The following FGD2 variants were observed in gnomAD, a reference collection of about 807,000 sequenced individuals.
The protein encoded by FGD2 is FYVE, RhoGEF and PH domain-containing protein 2.
Under a neutral mutation model 75.9 loss-of-function variants are expected in FGD2, and 52 were observed. The ratio of observed to expected loss-of-function variants is 0.69; its 90% confidence interval spans 0.55 to 0.86. The LOEUF (loss-of-function observed/expected upper bound fraction) is 0.86. FGD2 is among the 40% of genes least tolerant of loss of function. The pLI is 0.00. For missense variants in FGD2, 790 were observed against 872.0 expected (o/e 0.91, Z 1.18); for synonymous variants, 347 against 348.6 (o/e 1.00, Z 0.05).
chr6:37,020,147 C>A (rs1008438282), intron 9 of FGD2, among the ~76,000 whole-genome samples: 10 of 152,208 alleles, frequency 6.6e-5, no homozygotes, highest in Non-Finnish European at 1.5e-4. Flanking sequence ...CCACTGCACC[C>A]AGCCAAGGTT....
chr6:37,013,427 A>G, intron 4 of FGD2, 182 bp from the exon 5 acceptor site: 1 of 1,397,728 alleles, frequency 7.2e-7, no homozygotes, highest in Non-Finnish European at 9.3e-7. Flanking sequence ...TGGCCTCAGG[A>G]GGCTCACAGT....
chr6:37,006,668 G>T (rs1358612503), intron 1 of FGD2, among the ~76,000 whole-genome samples: 1 of 152,172 alleles, frequency 6.6e-6, no homozygotes, highest in Non-Finnish European at 1.5e-5. Flanking sequence ...AATCCATTCT[G>T]CAGGCATTTC....
chr6:37,027,842 G>A, intron 15 of FGD2, 106 bp from the exon 16 acceptor site: 1 of 1,294,984 alleles, frequency 7.7e-7, no homozygotes, highest in South Asian at 1.4e-5. Context: ...AACCCATGGG[G>A]GTTTAGGGTG....
intron 1 of FGD2, among the ~76,000 whole-genome samples, chr6:37,007,706 G>T (rs1445829681): frequency 1.3e-5 from 2 of 152,206 alleles, no homozygotes; most frequent in East Asian, 3.8e-4. Flanking sequence ...ACAGAAGCTG[G>T]CCAGGGGCCC....
chr6:37,025,914 G>C lies in FGD2; in HGVS notation c.1581G>C (p.Glu527Asp), dbSNP rs1207286167. 1.2e-6 allele frequency: 2 copies of C among 1,614,194 alleles called. No homozygotes were observed. Among genetic ancestry groups the C allele is most frequent in the Admixed American group, 3.3e-5 (2 of 60,030 alleles). Residue 527 changes from glutamate (E) to aspartate (D), a missense_variant, in exon 14 of 16, where the codon GAG (glutamate) becomes GAC (aspartate). By Grantham distance (45) the Glu-to-Asp change is conservative. Transcript: ENST00000274963. ...LTGNVLPEAK[E>D]DKRRGILEKG... ...GAAATGTGCTGCCTGAGGCCAAGGA[G>C]GACAAGAGGCGGGGCATCCTGGAGG... is the stretch of plus-strand genomic sequence containing the variant.
At chr6:37,011,671 T>A (rs1381554264) in intron 3 of FGD2, 35 bp from the exon 4 acceptor site, 1 of 1,613,090 alleles carries the variant, frequency 6.2e-7, no homozygotes, top group East Asian at 2.2e-5. Flanking sequence ...TGGCTCCCTG[T>A]CACTGCAGTG....
chr6:37,011,977 C>T, intron 4 of FGD2, 123 bp downstream of exon 4: 3 of 1,108,506 alleles, frequency 2.7e-6, no homozygotes, highest in Non-Finnish European at 3.8e-6. Flanking sequence ...GCCATGCCTC[C>T]CTGGGGCTCG....
intron 4 of FGD2, chr6:37,012,971 T>C (rs1561929124): frequency 6.7e-6 from 1 of 150,160 alleles, no homozygotes; most frequent in Non-Finnish European, 1.5e-5. Flanking sequence ...TCTGTGTGTG[T>C]GTGTGTGTGT....
intron 1 of FGD2, among the ~76,000 whole-genome samples, chr6:37,006,797 G>A (rs1279406970): frequency 2.6e-5 from 4 of 152,216 alleles, no homozygotes; most frequent in African/African-American, 7.2e-5. Context: ...AGCTGTGGGT[G>A]TGAGGGAAGC....
intron 4 of FGD2, 158 bp from the exon 5 acceptor site, chr6:37,013,451 G>A: frequency 7.0e-7 from 1 of 1,431,800 alleles, no homozygotes; most frequent in Non-Finnish European, 9.1e-7. Flanking sequence ...AGGAGTAGAG[G>A]GGCGCATGTG....
intron 7 of FGD2, 76 bp from the exon 8 acceptor site, chr6:37,014,816 G>T: frequency 1.2e-6 from 2 of 1,608,534 alleles, no homozygotes; most frequent in Non-Finnish European, 1.7e-6. Flanking sequence ...CCCAGTCCCC[G>T]TCCCCACAAG....
chr6:37,020,588 C>G lies in FGD2; in HGVS notation c.1170C>G (p.Ser390=). 6.2e-7 allele frequency: 1 copy of G among 1,606,988 alleles called. No individual in the cohort carries two copies. The highest frequency in any genetic ancestry group is 8.5e-7 in the Non-Finnish European group (1 of 1,177,058). Residue 390 remains serine (S), a synonymous_variant, in exon 10 of 16, where the codon TCC becomes TCG. Coordinates refer to ENST00000274963, the MANE Select transcript of FGD2 (RefSeq NM_173558.4). ...AGTTTCCCCACTCCTTCCTGGTGTCCGGGAAGCAGCGCACCCTGGAGCTGC... is the reference window on the plus strand; with the variant it reads ...AGTTTCCCCACTCCTTCCTGGTGTCGGGGAAGCAGCGCACCCTGGAGCTGC... ...DAEFPHSFLV[S]GKQRTLELQA... is the part of the protein sequence containing the mutation.
chr6:37,015,491 C>T (rs1391554975), intron 8 of FGD2, among the ~76,000 whole-genome samples: 1 of 152,188 alleles, frequency 6.6e-6, no homozygotes, highest in African/African-American at 2.4e-5. Context: ...ATCCTGAGCC[C>T]CTGTTGAGAA....
intron 1 of FGD2, 103 bp from the exon 2 acceptor site, chr6:37,008,731 C>A (rs187299627): frequency 4.3e-5 from 48 of 1,119,888 alleles, no homozygotes; most frequent in Non-Finnish European, 5.7e-5. Flanking sequence ...GGGGCCCCTG[C>A]ACTGGGGATT....
intron 3 of FGD2, chr6:37,011,473 A>G (rs1441383005): frequency 1.7e-6 from 1 of 595,344 alleles, no homozygotes; most frequent in Non-Finnish European, 2.9e-6. Context: ...TATGGCATTC[A>G]TCAGCTGCCA....
intron 2 of FGD2, chr6:37,009,348 G>T: frequency 2.7e-6 from 1 of 366,888 alleles, no homozygotes. Context: ...AGGCCACACA[G>T]CTTGGAACAG....
chr6:37,014,269 C>T lies in FGD2; in HGVS notation c.823+169C>T, dbSNP rs148364111. On this transcript the variant is annotated intron_variant, in intron 6 of 15. Transcript: ENST00000274963. ...TAGCCATTTTTCACAGATGAGGACA[C>T]TAAGGCCCAGAGAGGTTTAGTGACT... The T allele has an allele frequency of 5.9e-5, 49 of 836,118 alleles. No individual in the cohort carries two copies. In the East Asian group the frequency reaches 1.3e-3, roughly 23 times the overall value. The allele number at this position is 836,118 out of a possible 1,614,324, so 51.8% of individuals were successfully genotyped here. A position where few individuals can be genotyped will look rare whatever the true frequency, so the allele number is the denominator to read the frequency against.
At chr6:37,018,283 CG>C (rs1233032454) in intron 9 of FGD2, among the ~76,000 whole-genome samples, 1 of 152,110 alleles carries the variant, frequency 6.6e-6, no homozygotes, top group African/African-American at 2.4e-5. Flanking sequence ...CTGTGTGTGC[CG>C]GGTCTCTGGA....
intron 1 of FGD2, among the ~76,000 whole-genome samples, chr6:37,007,288 A>C (rs555720042): frequency 3.3e-5 from 5 of 152,324 alleles, no homozygotes; most frequent in African/African-American, 1.2e-4. Flanking sequence ...TGGAGATGGC[A>C]TAGATGTAGA....
Sources: gnomAD v4.1 joint callset for allele counts (sites outside exome capture counted in the v4.1 genomes callset) on GRCh38, gnomAD v4.1.1 for gene constraint, MANE v1.5 for transcripts, NCBI Gene and HGNC (gene_info 2026-07-23, HGNC 2026-07-21) for gene names.